Variants in PIP5K1B observed in about 807,000 individuals in gnomAD.
PIP5K1B encodes phosphatidylinositol 4-phosphate 5-kinase type-1 beta.
A neutral mutation model predicts 67.0 loss-of-function variants in PIP5K1B; 42 were observed. That is an observed-to-expected ratio of 0.63 (90% CI 0.49 to 0.81). The LOEUF is 0.81. Ranked by LOEUF, PIP5K1B falls within the 30% of genes least tolerant of loss-of-function variation. The pLI is 0.00. For synonymous variants in PIP5K1B, 214 were observed against 231.4 expected, an observed-to-expected ratio of 0.92 and a Z score of 0.68; for missense variants, 459 against 646.3, an observed-to-expected ratio of 0.71 and a Z score of 3.14.
intron 1 of PIP5K1B, among the ~76,000 whole-genome samples, chr9:68,719,273 A>G (rs1471060196): frequency 1.3e-5 from 2 of 152,224 alleles, no homozygotes; most frequent in African/African-American, 2.4e-5. Context: ...CATAGTGGCA[A>G]TTGATGAGTA....
At chr9:68,919,819 C>G (rs541426439) in intron 11 of PIP5K1B, 90 bp downstream of exon 11, 1 of 709,992 alleles carries the variant, frequency 1.4e-6, no homozygotes, top group African/African-American at 1.8e-5. Flanking sequence ...TTGCTAGACT[C>G]TAAGAGGAAA....
At chr9:69,005,727 A>T (rs1831048032) in intron 15 of PIP5K1B, among the ~76,000 whole-genome samples, 1 of 152,060 alleles carries the variant, frequency 6.6e-6, no homozygotes, top group African/African-American at 2.4e-5. Flanking sequence ...AGAACTTCAT[A>T]GTCATCTGGC....
chr9:68,898,771 C>T (rs1052506683), intron 8 of PIP5K1B, among the ~76,000 whole-genome samples: 5 of 152,310 alleles, frequency 3.3e-5, no homozygotes, highest in Admixed American at 2.6e-4. Context: ...TACCAAATAA[C>T]TCATGGCTCT....
At chr9:68,856,181 C>T (rs754958619) in intron 4 of PIP5K1B, among the ~76,000 whole-genome samples, 2 of 152,152 alleles carry the variant, frequency 1.3e-5, no homozygotes, top group Non-Finnish European at 2.9e-5. Context: ...TCTTTCCAGC[C>T]TCCAGTTCTG....
chr9:68,861,816 A>T (rs1257598806), intron 4 of PIP5K1B, among the ~76,000 whole-genome samples: 9 of 152,134 alleles, frequency 5.9e-5, no homozygotes, highest in Non-Finnish European at 8.8e-5. Context: ...CTGGTACAAA[A>T]GGTCACTGAC....
chr9:68,812,104 C>T (rs1214528435), intron 2 of PIP5K1B, among the ~76,000 whole-genome samples: 1 of 152,214 alleles, frequency 6.6e-6, no homozygotes, highest in African/African-American at 2.4e-5. Flanking sequence ...AAGGGCGTCA[C>T]TTTTACAAAC....
chr9:68,901,406 G>A (rs1261778010), intron 8 of PIP5K1B, among the ~76,000 whole-genome samples: 2 of 152,110 alleles, frequency 1.3e-5, no homozygotes, highest in African/African-American at 4.8e-5. Flanking sequence ...CTACCGGTGT[G>A]GACCACCACA....
At chr9:68,894,316 A>G (rs982680406) in intron 7 of PIP5K1B, 23 bp from the exon 8 acceptor site, 5 of 1,458,090 alleles carry the variant, frequency 3.4e-6, no homozygotes, top group Non-Finnish European at 4.7e-6. Context: ...TTGTAAATAT[A>G]TTTTTCTTTT....
intron 4 of PIP5K1B, among the ~76,000 whole-genome samples, chr9:68,847,568 C>T (rs950008768): frequency 6.6e-6 from 1 of 151,644 alleles, no homozygotes; most frequent in Non-Finnish European, 1.5e-5. Context: ...TTACTTAAAG[C>T]TGGTAAACAG....
chr9:68,792,022 AACTC>A (rs79362594), intron 2 of PIP5K1B, among the ~76,000 whole-genome samples: 16,529 of 152,254 alleles, frequency 0.11, 1,083 homozygotes, highest in Non-Finnish European at 0.16. Flanking sequence ...TTCCTTAACT[AACTC>A]CTTAAAAATT....
chr9:68,832,402 G>T (rs1834368970), intron 4 of PIP5K1B, among the ~76,000 whole-genome samples: 1 of 152,220 alleles, frequency 6.6e-6, no homozygotes, highest in Non-Finnish European at 1.5e-5. Context: ...CATTAGCTAG[G>T]AGGATGACTA....
At chr9:68,746,970 G>A (rs886880703) in intron 2 of PIP5K1B, among the ~76,000 whole-genome samples, 26 of 152,100 alleles carry the variant, frequency 1.7e-4, no homozygotes, top group African/African-American at 6.3e-4. Context: ...GGCCCACACA[G>A]TTGGGGATTC....
At chr9:68,909,192 T>C (rs947568739) in intron 8 of PIP5K1B, among the ~76,000 whole-genome samples, 4 of 152,228 alleles carry the variant, frequency 2.6e-5, no homozygotes, top group Admixed American at 2.6e-4. Context: ...GAAAAGTTTA[T>C]ACAATAAAAA....
intron 1 of PIP5K1B, among the ~76,000 whole-genome samples, chr9:68,734,316 C>T (rs11143572): frequency 0.22 from 33,222 of 152,074 alleles, 3,789 homozygotes; most frequent in East Asian, 0.32. Context: ...TGCCTGGGAA[C>T]TCAAAGTGAG....
intron 1 of PIP5K1B, among the ~76,000 whole-genome samples, chr9:68,722,196 C>A (rs1827922296): frequency 6.6e-6 from 1 of 152,054 alleles, no homozygotes; most frequent in South Asian, 2.1e-4. Flanking sequence ...CCTAACAGCT[C>A]TTTCTTTATT....
At chr9:69,004,632 C>G (rs1830991099) in intron 15 of PIP5K1B, among the ~76,000 whole-genome samples, 1 of 152,104 alleles carries the variant, frequency 6.6e-6, no homozygotes, top group African/African-American at 2.4e-5. Context: ...GGCAATAATG[C>G]CCTGAAGAGT....
intron 8 of PIP5K1B, among the ~76,000 whole-genome samples, chr9:68,899,353 A>G (rs1825246363): frequency 6.6e-6 from 1 of 152,220 alleles, no homozygotes; most frequent in African/African-American, 2.4e-5. Flanking sequence ...GAGCCTGAGG[A>G]GCAAGGCTTA....
At chr9:68,991,979 G>C (rs549459687) in intron 15 of PIP5K1B, among the ~76,000 whole-genome samples, 65 of 140,038 alleles carry the variant, frequency 4.6e-4, no homozygotes, top group Admixed American at 1.8e-3. Flanking sequence ...ATTTTTTTTG[G>C]GGGGGGGCAG....
chr9:68,879,973 CA>C (rs1824098104), intron 6 of PIP5K1B, among the ~76,000 whole-genome samples: 1 of 152,106 alleles, frequency 6.6e-6, no homozygotes, highest in Admixed American at 6.5e-5. Flanking sequence ...TTTTATTTAT[CA>C]ATTCAAAAAT....
Sources: gnomAD v4.1 joint callset for allele counts (sites outside exome capture counted in the v4.1 genomes callset) on GRCh38, gnomAD v4.1.1 for gene constraint, MANE v1.5 for transcripts, NCBI Gene and HGNC (gene_info 2026-07-23, HGNC 2026-07-21) for gene names.